Variants in NFE2 observed in about 807,000 individuals in gnomAD.
NFE2 encodes nuclear factor, erythroid 2.
In NFE2, 13 loss-of-function variants were observed where a neutral mutation model predicts 25.8. That is an observed-to-expected ratio of 0.50 (90% CI 0.33 to 0.80). NFE2 has a LOEUF of 0.80. Ranked by LOEUF, NFE2 falls within the 30% of genes least tolerant of loss-of-function variation. NFE2 has a pLI of 0.02. For synonymous variants in NFE2, 204 were observed against 200.2 expected, an observed-to-expected ratio of 1.02 and a Z score of -0.16; for missense variants, 382 against 478.9, an observed-to-expected ratio of 0.80 and a Z score of 1.89.
Position 54,295,316 on chromosome 12 carries a change from G to A in NFE2, c.-56-12C>T. 1.5e-6 allele frequency: 2 copies of A among 1,318,738 alleles called. No homozygotes were observed. The highest frequency in any genetic ancestry group is 2.2e-6 in the Non-Finnish European group (2 of 917,156). The allele number at this position is 1,318,738 out of a possible 1,614,324, so 81.7% of individuals were successfully genotyped here. A position where few individuals can be genotyped will look rare whatever the true frequency, so the allele number is the denominator to read the frequency against. The stretch of plus-strand genomic sequence containing the variant: ...ATGGCTCTAGAAACCTGTGTCAAAG[G>A]AAAAGAGGTGTTAGAGCTACACCTG... On this transcript the variant is annotated splice_polypyrimidine_tract_variant and intron_variant, in intron 1 of 2. Coordinates refer to ENST00000435572, the MANE Select transcript of NFE2 (RefSeq NM_001136023.3).
rs773916700 is a variant in NFE2, at chr12:54,293,230, G to A, written c.266C>T (p.Thr89Ile). The change falls in exon 3 of 3, where the codon ACA becomes ATA. Residue 89 changes from threonine (T) to isoleucine (I), a missense_variant. Physicochemically the swap from Thr to Ile is moderately conservative, Grantham distance 89. Transcript: ENST00000435572. ...GTATGGGGGATCTGGGACATGGGATGTGGATGCTGGGAGCTCATAAGGTGG... is the reference window on the plus strand; with the variant it reads ...GTATGGGGGATCTGGGACATGGGATATGGATGCTGGGAGCTCATAAGGTGG... ...PPPPYELPAS[T>I]SHVPDPPYSY... 41 of 1,609,650 alleles carry A rather than the reference G, an allele frequency of 2.5e-5. No individual in the cohort carries two copies. The highest frequency in any genetic ancestry group is 3.4e-5 in the Non-Finnish European group (40 of 1,177,818).
chr12:54,292,715 C>CT lies in NFE2; in HGVS notation c.780dup (p.Glu261ArgfsTer44). 1 of 1,614,222 alleles carries CT rather than the reference C, an allele frequency of 6.2e-7. No homozygotes were observed. Among genetic ancestry groups the CT allele is most frequent in the Non-Finnish European group, 8.5e-7 (1 of 1,180,036 alleles). Reference sequence around the variant, plus strand: ...TCCCGGACTAGCGCTAGCTGGCTCTCTGTCAGCGGGTACCTTGCCAATAGC... The same window carrying CT: ...TCCCGGACTAGCGCTAGCTGGCTCTCTTGTCAGCGGGTACCTTGCCAATAGC... On this transcript the variant is annotated frameshift_variant, in exon 3 of 3. Coordinates refer to ENST00000435572, the MANE Select transcript of NFE2 (RefSeq NM_001136023.3). LOFTEE classifies it high-confidence loss of function.
Position 54,292,390 on chromosome 12 carries a change from A to G in NFE2, c.1106T>C (p.Met369Thr), listed in dbSNP as rs1165169098. 6.2e-7 allele frequency: 1 copy of G among 1,613,788 alleles called. No individual in the cohort carries two copies. Among genetic ancestry groups the G allele is most frequent in the Admixed American group, 1.7e-5 (1 of 60,010 alleles). The change falls in exon 3 of 3, where the codon ATG (methionine) becomes ACG (threonine). Residue 369 changes from methionine (M) to threonine (T), a missense_variant. Physicochemically the swap from Met to Thr is moderately conservative, Grantham distance 81 (BLOSUM62 -1). Transcript: ENST00000435572. The stretch of plus-strand genomic sequence containing the variant: ...TGGGCCAGCTCAGTCTGTGGCCTCC[A>G]TCTTGGTCCCCCGGGGCACAAGGAA... ...TIFLVPRGTKMEATD is the reference protein window; with the variant it reads ...TIFLVPRGTKTEATD
In NFE2 at chr12:54,292,597, C is replaced by A. The variant is rs763252287; in HGVS notation, c.899G>T (p.Arg300Leu). 1 of 1,614,152 alleles carries A rather than the reference C, an allele frequency of 6.2e-7. No individual in the cohort carries two copies. Among genetic ancestry groups the A allele is most frequent in the South Asian group, 1.1e-5 (1 of 91,084 alleles). ...TIVQLERELERLTNERERLLR... is the reference protein window; with the variant it reads ...TIVQLERELELLTNERERLLR... ...AAGCCGCTCCCGTTCATTGGTCAGC[C>A]GCTCCAGCTCCCGCTCCAGCTGCAC... Residue 300 changes from arginine to leucine, a missense_variant, in exon 3 of 3, where the codon CGG (arginine) becomes CTG (leucine). Coordinates refer to ENST00000435572, the MANE Select transcript of NFE2 (RefSeq NM_001136023.3).
intron 1 of NFE2, chr12:54,297,621 G>C (rs370143939): frequency 7.9e-6 from 1 of 127,366 alleles, no homozygotes; most frequent in African/African-American, 3.1e-5. Flanking sequence ...AGCTAAGATC[G>C]CACCACTGCA....
At chr12:54,298,564 A>G (rs935061601) in intron 1 of NFE2, among the ~76,000 whole-genome samples, 2 of 151,624 alleles carry the variant, frequency 1.3e-5, no homozygotes, top group Non-Finnish European at 2.9e-5. Flanking sequence ...CTTCTCATTC[A>G]GTCCCTTCCA....
At chr12:54,297,438 T>C (rs1335747134) in intron 1 of NFE2, among the ~76,000 whole-genome samples, 1 of 140,534 alleles carries the variant, frequency 7.1e-6, no homozygotes, top group African/African-American at 2.7e-5. Flanking sequence ...CTGAGGCAGG[T>C]GGATCACCTG....
chr12:54,296,205 G>A (rs370507094), intron 1 of NFE2, among the ~76,000 whole-genome samples: 3 of 152,082 alleles, frequency 2.0e-5, no homozygotes, highest in East Asian at 1.9e-4. Flanking sequence ...TCAGGAGTTC[G>A]AGACCAGCCT....
rs772682262 is a variant in NFE2, at chr12:54,295,206, G to C, written c.43C>G (p.Gln15Glu). ...PPQQSRNRVI[Q>E]LSTSELGEME... Reference sequence around the variant, plus strand: ...TCTCCTAGCTCTGAAGTGGACAGCTGTATCACCCTGTTCCTGCTCTGCTGG... The same window carrying C: ...TCTCCTAGCTCTGAAGTGGACAGCTCTATCACCCTGTTCCTGCTCTGCTGG... Residue 15 changes from glutamine (Q) to glutamate (E), a missense_variant, in exon 2 of 3, where the codon CAG (glutamine) becomes GAG (glutamate). Transcript: ENST00000435572. 78 of 1,614,028 alleles carry C rather than the reference G, an allele frequency of 4.8e-5. No homozygotes were observed. The highest frequency in any genetic ancestry group is 6.4e-5 in the Non-Finnish European group (75 of 1,180,024).
In NFE2 at chr12:54,294,135, C is replaced by T. The variant is rs34638234; in HGVS notation, c.115-754G>A. ...AAAAATTAGCTGGGGTGGTGGCAGG[C>T]GCCTGTAGTCCCAGCTACTTGGGAG... On this transcript the variant is annotated intron_variant, in intron 2 of 2. Coordinates refer to ENST00000435572, the MANE Select transcript of NFE2 (RefSeq NM_001136023.3). Among the ~76,000 whole-genome samples the T allele has an allele frequency of 1.6e-3, 232 of 146,602 alleles. 2 individuals are homozygous for T. The highest frequency in any genetic ancestry group is 5.4e-3 in the African/African-American group (214 of 39,636).
chr12:54,295,499 A>G (rs1944364686), intron 1 of NFE2, 195 bp from the exon 2 acceptor site: 2 of 409,186 alleles, frequency 4.9e-6, no homozygotes, highest in Admixed American at 3.9e-5. Flanking sequence ...CACCTCGCCA[A>G]CTATGGCCAC....
In NFE2 at chr12:54,292,494, G is replaced by A. The variant is rs1353388280; in HGVS notation, c.1002C>T (p.Phe334=). The A allele has an allele frequency of 5.0e-6, 8 of 1,614,194 alleles. No homozygotes were observed. The highest frequency in any genetic ancestry group is 6.8e-6 in the Non-Finnish European group (8 of 1,180,034). The part of the protein sequence containing the change: ...QQLTELYRDI[F]QHLRDESGNS... Reference sequence around the variant, plus strand: ...TGCCTGATTCATCCCGAAGGTGCTGGAAAATGTCACGGTACAGCTCTGTCA... The same window carrying A: ...TGCCTGATTCATCCCGAAGGTGCTGAAAAATGTCACGGTACAGCTCTGTCA... Residue 334 remains phenylalanine, a synonymous_variant, in exon 3 of 3, where the codon TTC becomes TTT. Transcript: ENST00000435572.
chr12:54,295,528 C>CTCTGAAGTGG, intron 1 of NFE2: 1 of 330,098 alleles, frequency 3.0e-6, no homozygotes. Context: ...CCTTTGGTAG[C>CTCTGAAGTGG]ACAGGAGGTC....
intron 2 of NFE2, among the ~76,000 whole-genome samples, chr12:54,294,851 G>C (rs1944355839): frequency 6.6e-6 from 1 of 152,150 alleles, no homozygotes; most frequent in Non-Finnish European, 1.5e-5. Flanking sequence ...GTGAGCACGG[G>C]AGGGAGAGCA....
intron 1 of NFE2, chr12:54,295,720 C>T (rs79991164): frequency 8.5e-5 from 14 of 164,406 alleles, no homozygotes; most frequent in Non-Finnish European, 9.3e-5. Context: ...CTCAGTTTTA[C>T]GTTCTCAGCC....
Position 54,299,843 on chromosome 12 carries a change from G to A in NFE2, c.-57+958C>T, listed in dbSNP as rs909993822. Among the ~76,000 whole-genome samples, 3 of 152,090 alleles carry A rather than the reference G, an allele frequency of 2.0e-5. 1 individual carries two copies. The highest frequency in any genetic ancestry group is 1.3e-4 in the Admixed American group (2 of 15,260). ...TCAATAGGTGCAGTGAAAGGATGAG[G>A]AGGGATTAGTAAAACTTGGGGTATT... On this transcript the variant is annotated intron_variant, in intron 1 of 2. Transcript: ENST00000435572.
chr12:54,297,728 G>A (rs1235524399), intron 1 of NFE2: 1 of 147,972 alleles, frequency 6.8e-6, no homozygotes, highest in Admixed American at 6.8e-5. Context: ...GGATAGGATT[G>A]TATGACCTCA....
Position 54,292,478 on chromosome 12 carries a change from C to T in NFE2, c.1018G>A (p.Glu340Lys). The T allele has an allele frequency of 6.2e-7, 1 of 1,614,208 alleles. No homozygotes were observed. Among genetic ancestry groups the T allele is most frequent in the Non-Finnish European group, 8.5e-7 (1 of 1,180,038 alleles). Residue 340 changes from glutamate to lysine, a missense_variant, in exon 3 of 3, where the codon GAA becomes AAA. Glu to Lys is a moderately conservative substitution (Grantham distance 56). Transcript: ENST00000435572. ...YRDIFQHLRD[E>K]SGNSYSPEEY... ...TCAGGAGAGTAGCTGTTGCCTGATT[C>T]ATCCCGAAGGTGCTGGAAAATGTCA...
Position 54,292,986 on chromosome 12 carries a change from G to A in NFE2, c.510C>T (p.Ser170=), listed in dbSNP as rs1471484302. 3.2e-6 allele frequency: 5 copies of A among 1,544,776 alleles called. No individual in the cohort carries two copies. Among genetic ancestry groups the A allele is most frequent in the African/African-American group, 1.4e-5 (1 of 72,952 alleles). Reference sequence around the variant, plus strand: ...CCACTGGGTACATCTCTACATATTCGCTGCGCCGCCGACCAGCCTCTGTCC... The same window carrying A: ...CCACTGGGTACATCTCTACATATTCACTGCGCCGCCGACCAGCCTCTGTCC... ...LEGTEAGRRR[S]EYVEMYPVEY... is the part of the protein sequence containing the mutation. Residue 170 remains serine (S), a synonymous_variant, in exon 3 of 3, where the codon AGC becomes AGT. Coordinates refer to ENST00000435572, the MANE Select transcript of NFE2 (RefSeq NM_001136023.3).
Sources: gnomAD v4.1 joint callset for allele counts (sites outside exome capture counted in the v4.1 genomes callset) on GRCh38, gnomAD v4.1.1 for gene constraint, MANE v1.5 for transcripts, NCBI Gene and HGNC (gene_info 2026-07-23, HGNC 2026-07-21) for gene names.